Variants in ZFHX3 observed in about 807,000 individuals in gnomAD.
ZFHX3 encodes zinc finger homeobox 3.
A neutral mutation model predicts 279.1 loss-of-function variants in ZFHX3; 42 were observed. The ratio of observed to expected loss-of-function variants is 0.15; its 90% CI spans 0.12 to 0.19. The LOEUF is 0.19. ZFHX3 is among the 10% of genes least tolerant of loss of function. The probability of loss-of-function intolerance (pLI) is 1.00; values close to 1 mark genes in which losing one functional copy is unlikely to be tolerated. For synonymous variants in ZFHX3, 2,293 were observed against 1,957.8 expected, an observed-to-expected ratio of 1.17 and a Z score of -4.52; for missense variants, 4,981 against 4,754.0, an observed-to-expected ratio of 1.05 and a Z score of -1.40.
At chr16:73,616,302 T>C (rs1044209594) in intron 2 of ZFHX3, among the ~76,000 whole-genome samples, 1 of 150,180 alleles carries the variant, frequency 6.7e-6, no homozygotes, top group African/African-American at 2.5e-5. Context: ...ATCACGGTAA[T>C]TGATCACAGG....
chr16:73,475,121 T>G (rs1326803080), intron 2 of ZFHX3, among the ~76,000 whole-genome samples: 1 of 152,194 alleles, frequency 6.6e-6, no homozygotes, highest in Non-Finnish European at 1.5e-5. Flanking sequence ...TGCTGAGTAG[T>G]TCTTCAGTTT....
intron 1 of ZFHX3, among the ~76,000 whole-genome samples, chr16:73,776,599 A>G (rs1456330122): frequency 1.3e-5 from 2 of 152,172 alleles, no homozygotes; most frequent in Non-Finnish European, 2.9e-5. Context: ...ATTAGAGGGG[A>G]AATCATAATA....
chr16:72,978,075 G>A (rs957285808), intron 1 of ZFHX3, among the ~76,000 whole-genome samples: 7 of 152,152 alleles, frequency 4.6e-5, no homozygotes, highest in Admixed American at 1.3e-4. Context: ...ATGTTGGCCA[G>A]GATGGTCTCA....
chr16:73,331,037 AATTTAT>A (rs1338633420), intron 3 of ZFHX3, among the ~76,000 whole-genome samples: 9 of 152,160 alleles, frequency 5.9e-5, no homozygotes, highest in Non-Finnish European at 1.3e-4. Flanking sequence ...AAGACTGGGT[AATTTAT>A]AAAGGAAAGA....
At chr16:73,687,564 C>T (rs2053102107) in intron 1 of ZFHX3, among the ~76,000 whole-genome samples, 1 of 152,010 alleles carries the variant, frequency 6.6e-6, no homozygotes, top group Non-Finnish European at 1.5e-5. Context: ...TAACTATTGA[C>T]CGGGTGCGGT....
At chr16:72,972,067 A>G (rs1223408499) in intron 1 of ZFHX3, among the ~76,000 whole-genome samples, 1 of 151,618 alleles carries the variant, frequency 6.6e-6, no homozygotes, top group African/African-American at 2.4e-5. Context: ...AATTTTTTGT[A>G]GTTTTAGTAG....
intron 1 of ZFHX3, among the ~76,000 whole-genome samples, chr16:73,857,678 C>T (rs995029450): frequency 5.9e-5 from 9 of 152,130 alleles, no homozygotes; most frequent in African/African-American, 1.7e-4. Flanking sequence ...GCTGCACTTG[C>T]GCTAGGGTTT....
At chr16:73,222,844 C>G (rs2012466303) in intron 5 of ZFHX3, among the ~76,000 whole-genome samples, 2 of 151,988 alleles carry the variant, frequency 1.3e-5, no homozygotes, top group African/African-American at 4.8e-5. Context: ...GCAATTGAGA[C>G]AGTAAAGTAT....
intron 2 of ZFHX3, among the ~76,000 whole-genome samples, chr16:73,611,254 C>T (rs2052242903): frequency 4.6e-5 from 7 of 152,066 alleles, no homozygotes; most frequent in Admixed American, 4.6e-4. Context: ...CCTCAAGGCA[C>T]TGGGACCATG....
chr16:72,903,231 C>G (rs1434605680), intron 3 of ZFHX3, among the ~76,000 whole-genome samples: 12 of 152,318 alleles, frequency 7.9e-5, no homozygotes, highest in African/African-American at 2.9e-4. Flanking sequence ...CCAGCAGTTC[C>G]TTTCATGCTT....
intron 3 of ZFHX3, among the ~76,000 whole-genome samples, chr16:73,390,886 A>G (rs1322297835): frequency 2.0e-5 from 3 of 152,202 alleles, no homozygotes; most frequent in Admixed American, 6.5e-5. Context: ...AGAGGGCTCA[A>G]TGAGGTCTCA....
At chr16:73,663,951 G>A (rs1019734118) in intron 2 of ZFHX3, among the ~76,000 whole-genome samples, 2 of 152,106 alleles carry the variant, frequency 1.3e-5, no homozygotes, top group Non-Finnish European at 2.9e-5. Context: ...GCAGGCCATC[G>A]AGCTCAGAGG....
At chr16:73,085,142 T>C (rs1157172601) in intron 8 of ZFHX3, among the ~76,000 whole-genome samples, 1 of 152,058 alleles carries the variant, frequency 6.6e-6, no homozygotes, top group African/African-American at 2.4e-5. Flanking sequence ...CAAAATATAC[T>C]ACAAAGCCAT....
chr16:73,192,769 T>C (rs1968070897), intron 5 of ZFHX3, among the ~76,000 whole-genome samples: 1 of 152,178 alleles, frequency 6.6e-6, no homozygotes. Flanking sequence ...CATTTGTCCG[T>C]CCTCAGAGAA....
At chr16:73,317,303 T>C (rs1001310209) in intron 4 of ZFHX3, among the ~76,000 whole-genome samples, 3 of 151,604 alleles carry the variant, frequency 2.0e-5, no homozygotes, top group Non-Finnish European at 2.9e-5. Context: ...GCGGTGGTGG[T>C]GGTTATGGTA....
At chr16:73,543,347 A>G (rs1251035862) in intron 2 of ZFHX3, among the ~76,000 whole-genome samples, 34 of 152,206 alleles carry the variant, frequency 2.2e-4, no homozygotes, top group Admixed American at 2.2e-3. Flanking sequence ...TCAACTTGCC[A>G]GGCCTACAAT....
chr16:73,500,691 C>CAAA (rs35032435), intron 2 of ZFHX3, among the ~76,000 whole-genome samples: 3 of 96,908 alleles, frequency 3.1e-5, no homozygotes, highest in African/African-American at 7.4e-5. Flanking sequence ...TTTTAAAATA[C>CAAA]AAAAAAAAAA....
chr16:73,793,441 A>G (rs547660387), intron 1 of ZFHX3, among the ~76,000 whole-genome samples: 60 of 152,366 alleles, frequency 3.9e-4, no homozygotes, highest in African/African-American at 1.4e-3. Context: ...CCAGGCTTCA[A>G]TGTCAGCATC....
At chr16:72,820,769 A>C (rs1832086530) in intron 5 of ZFHX3, among the ~76,000 whole-genome samples, 1 of 152,202 alleles carries the variant, frequency 6.6e-6, no homozygotes, top group African/African-American at 2.4e-5. Flanking sequence ...TGGCTTTATT[A>C]CAGGACTGTG....
Sources: gnomAD v4.1 joint callset for allele counts (sites outside exome capture counted in the v4.1 genomes callset) on GRCh38, gnomAD v4.1.1 for gene constraint, MANE v1.5 for transcripts, NCBI Gene and HGNC (gene_info 2026-07-23, HGNC 2026-07-21) for gene names.